The following ANO10 variants were observed in gnomAD, a reference collection of about 807,000 sequenced individuals.
ANO10 encodes anoctamin-10.
ANO10 carries 77 observed loss-of-function variants against 74.7 expected under a neutral mutation model. The observed-to-expected ratio is 1.03, with a 90% CI of 0.86 to 1.25. ANO10 has a LOEUF of 1.25. Among genes scored for constraint, ANO10 ranks in the 50% most tolerant of loss-of-function variants. The probability of loss-of-function intolerance (pLI) is 0.00; values close to 1 mark genes in which losing one functional copy is unlikely to be tolerated. For missense variants in ANO10, 721 were observed against 778.1 expected, an observed-to-expected ratio of 0.93 and a Z score of 0.87; for synonymous variants, 279 against 284.9, an observed-to-expected ratio of 0.98 and a Z score of 0.21.
chr3:43,553,347 T>A (rs1040847889), intron 10 of ANO10, among the ~76,000 whole-genome samples: 1 of 152,180 alleles, frequency 6.6e-6, no homozygotes, highest in Non-Finnish European at 1.5e-5. Flanking sequence ...GTTTTGGGTC[T>A]CTTGCCACAT....
chr3:43,604,133 AGTAG>A (rs2082453745), intron 2 of ANO10, among the ~76,000 whole-genome samples: 1 of 152,216 alleles, frequency 6.6e-6, no homozygotes, highest in South Asian at 2.1e-4. Context: ...TGAAGTACAT[AGTAG>A]TGCTTCAATA....
intron 11 of ANO10, among the ~76,000 whole-genome samples, chr3:43,537,358 C>G (rs1196393891): frequency 2.0e-5 from 3 of 152,150 alleles, no homozygotes; most frequent in Non-Finnish European, 4.4e-5. Flanking sequence ...AACCTGAGTT[C>G]CTTGTGCACC....
intron 1 of ANO10, among the ~76,000 whole-genome samples, chr3:43,643,678 C>CTTTTTTTTTTTTTTTT (rs1310556861): frequency 2.2e-5 from 3 of 133,622 alleles, no homozygotes; most frequent in African/African-American, 9.4e-5. Context: ...TTGTCCTCAT[C>CTTTTTTTTTTTTTTTT]TTTTCTTTTT....
In ANO10 at chr3:43,673,201, G is replaced by C. The variant is rs184732649; in HGVS notation, c.-12+18316C>G. ...ATAAGCCAATTTGCTGAATTACTTA[G>C]AACCAAGTATTTATTGCTTCACAAA... On this transcript the variant is annotated intron_variant, in intron 1 of 3. Transcript: ENST00000413397. 9.9e-5 allele frequency among the ~76,000 whole-genome samples: 15 copies of C among 152,274 alleles called. No homozygotes were observed. In the East Asian group the frequency reaches 2.1e-3, roughly 22 times the overall value.
chr3:43,487,768 T>C (rs2076555152), intron 11 of ANO10, among the ~76,000 whole-genome samples: 1 of 152,168 alleles, frequency 6.6e-6, no homozygotes, highest in African/African-American at 2.4e-5. Flanking sequence ...CCTGGATTCA[T>C]TAATTTTTCG....
intron 9 of ANO10, among the ~76,000 whole-genome samples, chr3:43,560,987 C>G (rs1407861159): frequency 1.3e-5 from 2 of 152,226 alleles, no homozygotes; most frequent in Non-Finnish European, 2.9e-5. Flanking sequence ...TCATGTAATT[C>G]TCCAAATTTG....
chr3:43,423,849 C>T (rs550737803), intron 12 of ANO10, among the ~76,000 whole-genome samples: 1 of 152,346 alleles, frequency 6.6e-6, no homozygotes, highest in African/African-American at 2.4e-5. Flanking sequence ...CATGTTCTCA[C>T]ACACTACATG....
At chr3:43,458,981 C>CA (rs2149019779) in intron 11 of ANO10, among the ~76,000 whole-genome samples, 1 of 152,274 alleles carries the variant, frequency 6.6e-6, no homozygotes, top group African/African-American at 2.4e-5. Flanking sequence ...CACGAGCTTC[C>CA]AAATCAATGT....
intron 9 of ANO10, among the ~76,000 whole-genome samples, chr3:43,558,040 G>A (rs1396332866): frequency 6.6e-6 from 1 of 150,664 alleles, no homozygotes; most frequent in Non-Finnish European, 1.5e-5. Flanking sequence ...GGGAGGTTGA[G>A]GTTGCAGTGA....
At chr3:43,613,010 AT>A (rs2082905351) in intron 1 of ANO10, among the ~76,000 whole-genome samples, 1 of 152,132 alleles carries the variant, frequency 6.6e-6, no homozygotes, top group Admixed American at 6.5e-5. Context: ...TCTACTAAAA[AT>A]ACAAAAATTA....
At chr3:43,615,103 T>TG (rs767910126) in intron 1 of ANO10, among the ~76,000 whole-genome samples, 1 of 151,934 alleles carries the variant, frequency 6.6e-6, no homozygotes, top group Non-Finnish European at 1.5e-5. Context: ...AATATCAAAA[T>TG]AACACCAGCT....
At chr3:43,626,002 A>G (rs1013951137), upstream of ANO10, among the ~76,000 whole-genome samples, 1 of 150,876 alleles carries the variant, frequency 6.6e-6, no homozygotes, top group Middle Eastern at 3.4e-3. Flanking sequence ...GGCATGATCT[A>G]GGCTCACTGC....
chr3:43,559,638 G>C (rs1181033804), intron 9 of ANO10, among the ~76,000 whole-genome samples: 2 of 152,052 alleles, frequency 1.3e-5, no homozygotes, highest in African/African-American at 4.8e-5. Flanking sequence ...CCAAAGATGA[G>C]GGGGGATGGA....
At chr3:43,599,778 C>T (rs993329198) in intron 3 of ANO10, among the ~76,000 whole-genome samples, 10 of 151,854 alleles carry the variant, frequency 6.6e-5, no homozygotes, top group African/African-American at 9.7e-5. Context: ...TGGTGGCGGG[C>T]GCCTGTAGTC....
chr3:43,465,506 T>C (rs1033573288), intron 11 of ANO10, among the ~76,000 whole-genome samples: 2 of 152,122 alleles, frequency 1.3e-5, no homozygotes, highest in African/African-American at 4.8e-5. Flanking sequence ...ATACAAAAAT[T>C]AGCCAGGTAT....
chr3:43,598,836 A>G (rs765008738), intron 3 of ANO10, among the ~76,000 whole-genome samples, 170 bp from the exon 4 acceptor site: 2 of 152,242 alleles, frequency 1.3e-5, no homozygotes, highest in East Asian at 3.8e-4. Flanking sequence ...GATATTTTAT[A>G]AGAATAAAAA....
At chr3:43,561,431 G>C in intron 8 of ANO10, 29 bp from the exon 9 acceptor site, 1 of 1,596,414 alleles carries the variant, frequency 6.3e-7, no homozygotes, top group Non-Finnish European at 8.6e-7. Flanking sequence ...ATCACATTTT[G>C]GGAATACAGC....
intron 11 of ANO10, among the ~76,000 whole-genome samples, chr3:43,525,112 G>A (rs1035163340): frequency 1.3e-5 from 2 of 152,056 alleles, no homozygotes; most frequent in Admixed American, 6.6e-5. Flanking sequence ...ACCCCCCACC[G>A]ACCAATGACT....
chr3:43,416,593 C>T (rs1211078837), intron 12 of ANO10, among the ~76,000 whole-genome samples: 1 of 152,158 alleles, frequency 6.6e-6, no homozygotes, highest in Admixed American at 6.5e-5. Context: ...TTTAGCAGGT[C>T]TGGTATTCTG....
Sources: allele counts gnomAD v4.1 joint callset (sites outside exome capture counted in the v4.1 genomes callset), GRCh38; gene constraint gnomAD v4.1.1; transcripts MANE v1.5; gene names NCBI Gene and HGNC (gene_info 2026-07-23, HGNC 2026-07-21).